EPS15L1: variants seen among roughly 807,000 people sequenced by gnomAD.
EPS15L1 encodes epidermal growth factor receptor pathway substrate 15 like 1, also known as epidermal growth factor receptor substrate 15-like 1.
In EPS15L1, 43 loss-of-function variants were observed where a neutral mutation model predicts 117.1. The ratio of observed to expected loss-of-function variants is 0.37; its 90% CI spans 0.29 to 0.47. The LOEUF (loss-of-function observed/expected upper bound fraction) is 0.47, where lower values mean the gene tolerates loss of function less well. EPS15L1 is among the 20% of genes least tolerant of loss of function. The probability of loss-of-function intolerance (pLI) is 0.99; values close to 1 mark genes in which losing one functional copy is unlikely to be tolerated. For synonymous variants in EPS15L1, 459 were observed against 470.5 expected, an observed-to-expected ratio of 0.98 and a Z score of 0.32; for missense variants, 981 against 1,164.0, an observed-to-expected ratio of 0.84 and a Z score of 2.29.
rs1568454389 is a variant in EPS15L1 at position 16,440,914 on chromosome 19, GGA to G, written c.166-7_166-6del. The G allele has an allele frequency of 6.2e-7, 1 of 1,614,022 alleles. No individual in the cohort carries two copies. Among genetic ancestry groups the G allele is most frequent in the African/African-American group, 1.3e-5 (1 of 75,044 alleles). On this transcript the variant is annotated splice_polypyrimidine_tract_variant and splice_region_variant and intron_variant, in intron 3 of 23. Transcript: ENST00000455140. The stretch of plus-strand genomic sequence containing the variant: ...TGGATCGGCCAAGTCCCATATCTGC[GGA>G]AACACAAAAATGCTCATAAGCATGA...
chr19:16,377,005 C>T lies in EPS15L1; in HGVS notation c.2380+117G>A, dbSNP rs2092304638. 9.7e-6 allele frequency: 13 copies of T among 1,333,670 alleles called. No individual in the cohort carries two copies. In the South Asian group the frequency reaches 1.5e-4, roughly 15 times the overall value. The allele number at this position is 1,333,670 out of a possible 1,614,324, so 82.6% of individuals were successfully genotyped here. A position where few individuals can be genotyped will look rare whatever the true frequency, so the allele number is the denominator to read the frequency against. ...GCTGGGCCGGGGGGACCCTCTTGCT[C>T]CCCACACAGGGTCCCACGGCATCTG... is the stretch of plus-strand genomic sequence containing the variant. On this transcript the variant is annotated intron_variant, in intron 22 of 23. Transcript: ENST00000455140.
rs1249862272 is a variant in EPS15L1 at position 16,370,439 on chromosome 19, C to T, written c.2380+6683G>A. Among the ~76,000 whole-genome samples the T allele has an allele frequency of 3.9e-5, 6 of 152,066 alleles. No individual in the cohort carries two copies. Among genetic ancestry groups the T allele is most frequent in the African/African-American group, 9.7e-5 (4 of 41,390 alleles). Reference sequence around the variant, plus strand: ...GAGGTGTCCTGGAGGCAGGTACACCCGATGTCCCCAGGGCGATGGCTCCCG... The same window carrying T: ...GAGGTGTCCTGGAGGCAGGTACACCTGATGTCCCCAGGGCGATGGCTCCCG... On this transcript the variant is annotated intron_variant, in intron 22 of 23. Coordinates refer to ENST00000455140, the MANE Select transcript of EPS15L1 (RefSeq NM_001258374.3). This position sits in a 1 kb window ranked among gnomAD's most constrained non-coding sequence, Gnocchi z 5.2.
intron 9 of EPS15L1, among the ~76,000 whole-genome samples, chr19:16,422,129 G>A (rs1193255100): frequency 6.6e-6 from 1 of 152,238 alleles, no homozygotes; most frequent in Non-Finnish European, 1.5e-5. Flanking sequence ...GGAGCCACGA[G>A]CCCAGTGCAG....
At chr19:16,436,257 C>T (rs1264967193) in intron 6 of EPS15L1, among the ~76,000 whole-genome samples, 1 of 152,116 alleles carries the variant, frequency 6.6e-6, no homozygotes. Flanking sequence ...GCCACATAAA[C>T]GTGAGGAAAT....
chr19:16,429,349 C>T (rs2092907626), intron 7 of EPS15L1, among the ~76,000 whole-genome samples: 1 of 152,200 alleles, frequency 6.6e-6, no homozygotes, highest in Non-Finnish European at 1.5e-5. Flanking sequence ...AGCTTCCTGA[C>T]CCATGCCAGC....
chr19:16,359,000 G>C (rs915871782), intron 23 of EPS15L1, among the ~76,000 whole-genome samples: 1 of 152,124 alleles, frequency 6.6e-6, no homozygotes, highest in Non-Finnish European at 1.5e-5. Flanking sequence ...AGCCACACAC[G>C]CAAATAACCC....
At chr19:16,451,016 T>C (rs565063626) in intron 1 of EPS15L1, among the ~76,000 whole-genome samples, 56 of 151,812 alleles carry the variant, frequency 3.7e-4, no homozygotes, top group African/African-American at 1.2e-3. Flanking sequence ...AGTGGTGCAA[T>C]CTTGGCTCAC....
chr19:16,428,152 G>A (rs2092891109), intron 8 of EPS15L1, among the ~76,000 whole-genome samples: 2 of 148,236 alleles, frequency 1.3e-5, no homozygotes, highest in South Asian at 4.2e-4. Flanking sequence ...AGTGAACCAA[G>A]ATTACACCAC....
intron 8 of EPS15L1, among the ~76,000 whole-genome samples, chr19:16,426,348 G>A (rs1269066410): frequency 1.3e-5 from 2 of 152,144 alleles, no homozygotes; most frequent in African/African-American, 2.4e-5. Context: ...AAATGTCCAC[G>A]TTGAAACCAG....
At chr19:16,445,271 C>T (rs1219989802) in intron 1 of EPS15L1, among the ~76,000 whole-genome samples, 2 of 152,124 alleles carry the variant, frequency 1.3e-5, no homozygotes, top group African/African-American at 2.4e-5. Flanking sequence ...AAGGCTCATC[C>T]GGCTCGAACA....
In EPS15L1 at chr19:16,425,295, C is replaced by T; in HGVS notation, c.580G>A (p.Ala194Thr). Residue 194 changes from alanine to threonine, a missense_variant, in exon 9 of 24, where the codon GCC becomes ACC. Ala to Thr is a moderately conservative substitution (Grantham distance 58). Transcript: ENST00000455140. ...GAGGGCACGGGCTCCTTCTCCAGGG[C>T]TCGGTACACCAAGTGCATGGCCTGC... is the stretch of plus-strand genomic sequence containing the variant. The part of the protein sequence containing the change: ...FAVAMHLVYR[A>T]LEKEPVPSAL... The T allele has an allele frequency of 6.2e-7, 1 of 1,601,014 alleles. No homozygotes were observed. Among genetic ancestry groups the T allele is most frequent in the African/African-American group, 1.3e-5 (1 of 74,904 alleles).
chr19:16,434,244 C>CT (rs781120668), intron 7 of EPS15L1, 121 bp downstream of exon 7: 29 of 1,363,876 alleles, frequency 2.1e-5, no homozygotes, highest in Non-Finnish European at 2.8e-5. Context: ...ATGAAAGCCC[C>CT]TGATGGCACA....
chr19:16,449,018 A>G (rs1052409824), intron 1 of EPS15L1, among the ~76,000 whole-genome samples: 3 of 152,358 alleles, frequency 2.0e-5, no homozygotes, highest in Middle Eastern at 3.4e-3. Flanking sequence ...GCGTACCTGT[A>G]GTCCCAGCAC....
intron 1 of EPS15L1, among the ~76,000 whole-genome samples, chr19:16,463,838 A>G (rs2093275663): frequency 6.6e-6 from 1 of 152,246 alleles, no homozygotes. Flanking sequence ...GTGATGCCCC[A>G]GCTGATATGA....
chr19:16,422,911 T>C (rs1363770702), intron 9 of EPS15L1, among the ~76,000 whole-genome samples: 1 of 148,986 alleles, frequency 6.7e-6, no homozygotes, highest in Non-Finnish European at 1.5e-5. Flanking sequence ...GGAGCTGAGA[T>C]TGTGCCACTG....
At chr19:16,407,207 C>T (rs764312395) in intron 13 of EPS15L1, among the ~76,000 whole-genome samples, 1 of 152,214 alleles carries the variant, frequency 6.6e-6, no homozygotes, top group Non-Finnish European at 1.5e-5. Context: ...GGGTACCTCA[C>T]CACTTCTCTA....
intron 13 of EPS15L1, among the ~76,000 whole-genome samples, chr19:16,409,118 C>T (rs1013886643): frequency 6.6e-6 from 1 of 152,152 alleles, no homozygotes; most frequent in Admixed American, 6.5e-5. Context: ...GTAGTCCTAG[C>T]TACTCAGGAA....
At chr19:16,462,419 G>T (rs1037213894) in intron 1 of EPS15L1, among the ~76,000 whole-genome samples, 1 of 152,150 alleles carries the variant, frequency 6.6e-6, no homozygotes, top group Non-Finnish European at 1.5e-5. Context: ...CCAGCACTTT[G>T]GGGGGCCAAG....
chr19:16,393,673 AT>A (rs1488420082), intron 18 of EPS15L1, among the ~76,000 whole-genome samples: 91 of 150,406 alleles, frequency 6.1e-4, no homozygotes, highest in Non-Finnish European at 1.2e-3. Flanking sequence ...TAAAAAATAA[AT>A]AAATAAATAA....
Sources: gnomAD v4.1 joint callset for allele counts (sites outside exome capture counted in the v4.1 genomes callset) on GRCh38, gnomAD v4.1.1 for gene constraint, Gnocchi (gnomAD v3.1) non-coding constraint, MANE v1.5 for transcripts, NCBI Gene and HGNC (gene_info 2026-07-23, HGNC 2026-07-21) for gene names.